Variants in LPAR3 observed in about 807,000 individuals in gnomAD.
LPAR3 encodes the protein lysophosphatidic acid receptor 3, also known as LPA receptor 3.
Under a neutral mutation model 17.8 loss-of-function variants are expected in LPAR3, and 7 were observed. The ratio of observed to expected loss-of-function variants is 0.39; its 90% CI spans 0.22 to 0.74. The LOEUF (loss-of-function observed/expected upper bound fraction) is 0.74. Ranked by LOEUF, LPAR3 falls within the 30% of genes least tolerant of loss-of-function variation. The pLI is 0.40. For synonymous variants in LPAR3, 179 were observed against 179.9 expected (o/e 0.99, Z 0.04); for missense variants, 391 against 453.4 (o/e 0.86, Z 1.25).
intron 2 of LPAR3, among the ~76,000 whole-genome samples, chr1:84,821,405 C>T (rs764602127): frequency 1.4e-4 from 22 of 152,042 alleles, no homozygotes; most frequent in Non-Finnish European, 2.2e-4. Context: ...GGTAGTTCTT[C>T]GAAGATTTTT....
chr1:84,815,748 G>C (rs533581466), intron 2 of LPAR3, among the ~76,000 whole-genome samples: 3 of 152,274 alleles, frequency 2.0e-5, no homozygotes, highest in Admixed American at 6.5e-5. Context: ...AGAGGTCATG[G>C]AAAGTGGTAC....
Position 84,880,820 on chromosome 1 carries a change from C to T in LPAR3, c.-19+12196G>A, listed in dbSNP as rs570584197. Among the ~76,000 whole-genome samples, 3 of 152,308 alleles carry T rather than the reference C, an allele frequency of 2.0e-5. No individual in the cohort carries two copies. The South Asian group carries it at 6.2e-4, about 32-fold the overall frequency. On this transcript the variant is annotated intron_variant, in intron 1 of 2. Coordinates refer to ENST00000370611, the MANE Select transcript of LPAR3 (RefSeq NM_012152.3). Reference sequence around the variant, plus strand: ...ACTTTCCACACCCTTCAAATGTGGCCACAGAGGGTACAGAAGAAGGAAGGA... The same window carrying T: ...ACTTTCCACACCCTTCAAATGTGGCTACAGAGGGTACAGAAGAAGGAAGGA...
At chr1:84,892,694 G>T (rs548063764) in intron 1 of LPAR3, among the ~76,000 whole-genome samples, 6 of 152,368 alleles carry the variant, frequency 3.9e-5, no homozygotes, top group Admixed American at 1.3e-4. Flanking sequence ...AAAGGCAGAC[G>T]CAACCCGTGC....
At chr1:84,884,235 G>A (rs1201802991) in intron 1 of LPAR3, among the ~76,000 whole-genome samples, 1 of 152,234 alleles carries the variant, frequency 6.6e-6, no homozygotes, top group East Asian at 1.9e-4. Flanking sequence ...GGACACAGCA[G>A]TGAGGACAAC....
chr1:84,820,318 C>T (rs372502996), intron 2 of LPAR3, among the ~76,000 whole-genome samples: 1 of 152,280 alleles, frequency 6.6e-6, no homozygotes. Context: ...AAGTATCTAG[C>T]CCACACTCAG....
At chr1:84,882,201 A>G (rs1660378629) in intron 1 of LPAR3, among the ~76,000 whole-genome samples, 1 of 152,200 alleles carries the variant, frequency 6.6e-6, no homozygotes, top group Admixed American at 6.5e-5. Flanking sequence ...ACAACAAACA[A>G]TCCAAAAAAG....
At chr1:84,879,946 T>C (rs887331181) in intron 1 of LPAR3, among the ~76,000 whole-genome samples, 1 of 152,230 alleles carries the variant, frequency 6.6e-6, no homozygotes, top group Non-Finnish European at 1.5e-5. Flanking sequence ...AAAATAAGTA[T>C]AGAAATTGAA....
intron 2 of LPAR3, among the ~76,000 whole-genome samples, chr1:84,816,812 C>CA (rs1300392052): frequency 6.6e-6 from 1 of 151,886 alleles, no homozygotes; most frequent in Non-Finnish European, 1.5e-5. Context: ...AAGTAAAAAG[C>CA]AAAAAAATAT....
At chr1:84,817,812 A>T (rs1557588246) in intron 2 of LPAR3, among the ~76,000 whole-genome samples, 1 of 151,988 alleles carries the variant, frequency 6.6e-6, no homozygotes, top group African/African-American at 2.4e-5. Context: ...CAAAAAAAAA[A>T]AAAAATCTTT....
At chr1:84,848,053 G>C (rs764204455) in intron 2 of LPAR3, among the ~76,000 whole-genome samples, 2 of 152,138 alleles carry the variant, frequency 1.3e-5, no homozygotes, top group Non-Finnish European at 2.9e-5. Context: ...TTAACACCAC[G>C]TTGAACAGCA....
chr1:84,851,179 C>T (rs1448439365), intron 2 of LPAR3, among the ~76,000 whole-genome samples: 1 of 152,194 alleles, frequency 6.6e-6, no homozygotes, highest in African/African-American at 2.4e-5. Flanking sequence ...TTAAAAATCC[C>T]TTTTTTCTCA....
At chr1:84,851,131 G>GT (rs1222271579) in intron 2 of LPAR3, among the ~76,000 whole-genome samples, 1 of 152,218 alleles carries the variant, frequency 6.6e-6, no homozygotes, top group Non-Finnish European at 1.5e-5. Flanking sequence ...ATTAAACAGA[G>GT]TATGTATAAA....
At chr1:84,860,036 T>C (rs1446084246) in intron 2 of LPAR3, among the ~76,000 whole-genome samples, 3 of 152,114 alleles carry the variant, frequency 2.0e-5, no homozygotes, top group Non-Finnish European at 2.9e-5. Flanking sequence ...GTCTCCGATG[T>C]CTTTTCAATG....
chr1:84,879,316 C>CTTTTTTCTTTTTTTTTTTTTTTTT (rs1553149965), intron 1 of LPAR3, among the ~76,000 whole-genome samples: 26 of 120,620 alleles, frequency 2.2e-4, no homozygotes, highest in Non-Finnish European at 3.3e-4. Flanking sequence ...TTTCTTTTTT[C>CTTTTTTCTTTTTTTTTTTTTTTTT]TTTTTTTTTT....
At chr1:84,851,761 C>A (rs905570403) in intron 2 of LPAR3, among the ~76,000 whole-genome samples, 3 of 152,116 alleles carry the variant, frequency 2.0e-5, no homozygotes, top group Non-Finnish European at 4.4e-5. Flanking sequence ...GAAGCAGGGG[C>A]TGTGTGAGGG....
Position 84,865,453 on chromosome 1 carries a change from T to A in LPAR3, c.668A>T (p.His223Leu), listed in dbSNP as rs754817791. The change falls in exon 2 of 3, where the codon CAT becomes CTT. Residue 223 changes from histidine (H) to leucine (L), a missense_variant. Coordinates refer to ENST00000370611, the MANE Select transcript of LPAR3 (RefSeq NM_012152.3). ...VKRKTNVLSP[H>L]TSGSISRRRT... Reference sequence around the variant, plus strand: ...CCGGCGGCTGATGGACCCACTTGTATGCGGAGACAAGACGTTGGTTTTCCT... The same window carrying A: ...CCGGCGGCTGATGGACCCACTTGTAAGCGGAGACAAGACGTTGGTTTTCCT... The A allele has an allele frequency of 1.9e-6, 3 of 1,614,200 alleles. No individual in the cohort carries two copies. Among genetic ancestry groups the A allele is most frequent in the Non-Finnish European group, 2.5e-6 (3 of 1,180,032 alleles).
intron 2 of LPAR3, among the ~76,000 whole-genome samples, chr1:84,837,224 T>C (rs917504810): frequency 1.3e-5 from 2 of 152,198 alleles, no homozygotes; most frequent in Non-Finnish European, 2.9e-5. Context: ...GGTTTCACCA[T>C]GTTAGCCAGG....
intron 2 of LPAR3, among the ~76,000 whole-genome samples, chr1:84,848,305 A>G (rs1307029204): frequency 5.3e-5 from 8 of 152,168 alleles, no homozygotes; most frequent in Non-Finnish European, 4.4e-5. Context: ...GAACCCCAGA[A>G]TGCCCCTGCT....
intron 1 of LPAR3, among the ~76,000 whole-genome samples, chr1:84,882,788 G>A (rs1037955854): frequency 2.6e-5 from 4 of 152,166 alleles, no homozygotes; most frequent in Admixed American, 2.6e-4. Context: ...TGCACGTTGT[G>A]CACATGTACC....
Sources: allele counts gnomAD v4.1 joint callset (sites outside exome capture counted in the v4.1 genomes callset), GRCh38; gene constraint gnomAD v4.1.1; transcripts MANE v1.5; gene names NCBI Gene and HGNC (gene_info 2026-07-23, HGNC 2026-07-21).